Variants in ZNF654 observed in about 807,000 individuals in gnomAD.
The protein encoded by ZNF654 is melanoma-associated antigen.
In ZNF654, 19 loss-of-function variants were observed where a neutral mutation model predicts 95.3. The ratio of observed to expected loss-of-function variants is 0.20; its 90% CI spans 0.14 to 0.29. The LOEUF (loss-of-function observed/expected upper bound fraction) is 0.29, where lower values mean the gene tolerates loss of function less well. ZNF654 is among the 10% of genes least tolerant of loss of function. The probability of loss-of-function intolerance (pLI) is 1.00; values close to 1 mark genes in which losing one functional copy is unlikely to be tolerated. For synonymous variants in ZNF654, 413 were observed against 457.9 expected, an observed-to-expected ratio of 0.90 and a Z score of 1.25; for missense variants, 1,046 against 1,341.0, an observed-to-expected ratio of 0.78 and a Z score of 3.44.
chr3:88,140,172 C>T lies in ZNF654; in HGVS notation c.2503C>T (p.His835Tyr). 6.2e-7 allele frequency: 1 copy of T among 1,613,832 alleles called. No homozygotes were observed. Among genetic ancestry groups the T allele is most frequent in the Non-Finnish European group, 8.5e-7 (1 of 1,179,772 alleles). The change falls in exon 8 of 9, where the codon CAC becomes TAC. Residue 835 changes from histidine (H) to tyrosine (Y), a missense_variant. His to Tyr is a moderately conservative substitution (Grantham distance 83). Transcript: ENST00000636215. Reference protein sequence around the residue: ...SFKLPFQLAQHTKSHRIFQAQ... With the variant: ...SFKLPFQLAQYTKSHRIFQAQ... ...TAAGCTGCCGTTCCAGCTTGCCCAG[C>T]ACACAAAAAGTCACAGGATATTTCA...
intron 3 of ZNF654, among the ~76,000 whole-genome samples, chr3:88,119,415 A>C (rs1458010641): frequency 1.3e-5 from 1 of 76,104 alleles, no homozygotes; most frequent in Admixed American, 1.5e-4. Context: ...GGGGGGAGGG[A>C]TAGCATTGGG....
chr3:88,089,986 TGTG>T (rs1164843632), intron 2 of ZNF654, among the ~76,000 whole-genome samples: 12 of 152,214 alleles, frequency 7.9e-5, no homozygotes, highest in Non-Finnish European at 5.9e-5. Context: ...TATTCATGCT[TGTG>T]GTGATGCTGG....
intron 1 of ZNF654, among the ~76,000 whole-genome samples, chr3:88,066,759 C>A (rs1707223779): frequency 6.6e-6 from 1 of 152,018 alleles, no homozygotes; most frequent in African/African-American, 2.4e-5. Context: ...TGCTTTCCTG[C>A]CAAAATGTGC....
chr3:88,128,929 A>C lies in ZNF654; in HGVS notation c.671A>C (p.Glu224Ala). 6.5e-7 allele frequency: 1 copy of C among 1,535,586 alleles called. No homozygotes were observed. The highest frequency in any genetic ancestry group is 8.7e-7 in the Non-Finnish European group (1 of 1,146,556). Residue 224 changes from glutamate to alanine, a missense_variant, in exon 5 of 9, where the codon GAA becomes GCA. By Grantham distance (107) the Glu-to-Ala change is moderately radical. Transcript: ENST00000636215. Reference protein sequence around the residue: ...ALIKSCINHPEISKDLYFHQA... With the variant: ...ALIKSCINHPAISKDLYFHQA... ...ATTAAATCTTGTATAAATCACCCAGAAATCAGTAAAGACTTATACTTCCAT... is the reference window on the plus strand; with the variant it reads ...ATTAAATCTTGTATAAATCACCCAGCAATCAGTAAAGACTTATACTTCCAT...
chr3:88,068,099 G>A (rs1707306739), intron 1 of ZNF654, among the ~76,000 whole-genome samples: 1 of 152,130 alleles, frequency 6.6e-6, no homozygotes, highest in African/African-American at 2.4e-5. Flanking sequence ...TCTATTAAGA[G>A]TACATGGAGG....
Position 88,142,310 on chromosome 3 carries a change from G to A in ZNF654, c.*658G>A, listed in dbSNP as rs1463646278. 6.6e-6 allele frequency: 1 copy of A among 151,240 alleles called. No individual in the cohort carries two copies. Among genetic ancestry groups the A allele is most frequent in the Non-Finnish European group, 1.5e-5 (1 of 67,574 alleles). The allele number at this position is 151,240 out of a possible 1,614,324, so 9.4% of individuals were successfully genotyped here. A position where few individuals can be genotyped will look rare whatever the true frequency, so the allele number is the denominator to read the frequency against. ...AAAAAACAAAACAAAAAAAACCACAGTGCTTTGCTAATAAGCTCTTGATAG... is the reference window on the plus strand; with the variant it reads ...AAAAAACAAAACAAAAAAAACCACAATGCTTTGCTAATAAGCTCTTGATAG... On this transcript the variant is annotated 3_prime_UTR_variant, in exon 9 of 9. Coordinates refer to ENST00000636215, the MANE Select transcript of ZNF654 (RefSeq NM_001350134.2).
chr3:88,103,239 A>G (rs575370662), intron 2 of ZNF654, among the ~76,000 whole-genome samples: 7 of 152,334 alleles, frequency 4.6e-5, no homozygotes, highest in South Asian at 2.1e-4. Context: ...TATAAAGGCT[A>G]TAGTGGAAAA....
Position 88,141,653 on chromosome 3 carries a change from T to G in ZNF654, c.*1T>G, listed in dbSNP as rs1480624346. 5 of 1,510,804 alleles carry G rather than the reference T, an allele frequency of 3.3e-6. No individual in the cohort carries two copies. In the Admixed American group the frequency reaches 9.7e-5, roughly 29 times the overall value. The allele number at this position is 1,510,804 out of a possible 1,614,324, so 93.6% of individuals were successfully genotyped here. On this transcript the variant is annotated 3_prime_UTR_variant, in exon 9 of 9. Transcript: ENST00000636215. ...TGTGTTCTGTTTTACAGGTGCCTGA[T>G]GAAAACGGTTCAGAAAGATCTGTCA...
intron 6 of ZNF654, among the ~76,000 whole-genome samples, chr3:88,130,954 G>T (rs1163634038): frequency 1.3e-5 from 2 of 152,048 alleles, no homozygotes; most frequent in Non-Finnish European, 2.9e-5. Context: ...GGATTAGGAG[G>T]TAGTGGTAAG....
intron 6 of ZNF654, among the ~76,000 whole-genome samples, chr3:88,133,512 G>A (rs1706587339): frequency 6.6e-6 from 1 of 152,130 alleles, no homozygotes; most frequent in South Asian, 2.1e-4. Context: ...GGGTATTCAT[G>A]AAGGCTTTCC....
intron 1 of ZNF654, among the ~76,000 whole-genome samples, chr3:88,073,163 T>C (rs1336228193): frequency 6.6e-6 from 1 of 152,106 alleles, no homozygotes; most frequent in Non-Finnish European, 1.5e-5. Flanking sequence ...CTGCAAACTA[T>C]TAGCAGTACA....
intron 2 of ZNF654, among the ~76,000 whole-genome samples, chr3:88,109,549 T>C (rs1704964077): frequency 1.3e-5 from 2 of 152,190 alleles, no homozygotes; most frequent in Non-Finnish European, 2.9e-5. Context: ...TGCACAAATC[T>C]TTCTTGTATT....
chr3:88,105,271 C>T (rs1204788241), intron 2 of ZNF654, among the ~76,000 whole-genome samples: 1 of 98,684 alleles, frequency 1.0e-5, no homozygotes, highest in Non-Finnish European at 2.3e-5. Context: ...CAGATACATA[C>T]ATTTTTCCAC....
intron 3 of ZNF654, among the ~76,000 whole-genome samples, chr3:88,118,681 G>T (rs1407196004): frequency 6.6e-6 from 1 of 152,108 alleles, no homozygotes; most frequent in Non-Finnish European, 1.5e-5. Flanking sequence ...CTAGCTAAAA[G>T]GCTTTAAAAG....
chr3:88,067,039 A>G (rs1471645008), intron 1 of ZNF654, among the ~76,000 whole-genome samples: 1 of 152,200 alleles, frequency 6.6e-6, no homozygotes, highest in African/African-American at 2.4e-5. Flanking sequence ...TCTACTGTCA[A>G]CTTTTCAAAG....
At chr3:88,093,983 C>T (rs1440771240) in intron 2 of ZNF654, among the ~76,000 whole-genome samples, 2 of 152,038 alleles carry the variant, frequency 1.3e-5, no homozygotes, top group African/African-American at 4.8e-5. Context: ...AACACCTTAA[C>T]CAATTTTGTA....
At chr3:88,131,061 TAG>T (rs1165620363) in intron 6 of ZNF654, among the ~76,000 whole-genome samples, 2 of 152,274 alleles carry the variant, frequency 1.3e-5, no homozygotes, top group Non-Finnish European at 2.9e-5. Flanking sequence ...GTGAATATTG[TAG>T]AGATACAAAC....
chr3:88,086,725 A>G lies in ZNF654; in HGVS notation c.332+323A>G, dbSNP rs576729269. Among the ~76,000 whole-genome samples the G allele has an allele frequency of 2.6e-5, 4 of 152,310 alleles. No homozygotes were observed. The South Asian group carries it at 8.3e-4, about 32-fold the overall frequency. ...TACAGCAGTTTAGGCTATGATAGTT[A>G]CCAGAGAGACCTTAAATCAGGTCAG... On this transcript the variant is annotated intron_variant, in intron 2 of 8. Coordinates refer to ENST00000636215, the MANE Select transcript of ZNF654 (RefSeq NM_001350134.2).
At chr3:88,064,041 A>G (rs113779695) in intron 1 of ZNF654, among the ~76,000 whole-genome samples, 1,556 of 152,092 alleles carry the variant, frequency 0.01, 26 homozygotes, top group African/African-American at 0.035. Context: ...TCTTTGATCA[A>G]CACATGCCTA....
Sources: gnomAD v4.1 joint callset for allele counts (sites outside exome capture counted in the v4.1 genomes callset) on GRCh38, gnomAD v4.1.1 for gene constraint, MANE v1.5 for transcripts, NCBI Gene and HGNC (gene_info 2026-07-23, HGNC 2026-07-21) for gene names.